Variants in TBC1D22A observed in about 807,000 individuals in gnomAD.
TBC1D22A encodes putative GTPase activator.
Under a neutral mutation model 60.2 loss-of-function variants are expected in TBC1D22A, and 38 were observed. That is an observed-to-expected ratio of 0.63 (90% CI 0.49 to 0.83). The LOEUF (loss-of-function observed/expected upper bound fraction) is 0.83. Among genes scored for constraint, TBC1D22A ranks in the 40% least tolerant of loss-of-function variants. The pLI is 0.00. For missense variants in TBC1D22A, 628 were observed against 701.0 expected (o/e 0.90, Z 1.18); for synonymous variants, 302 against 281.7 (o/e 1.07, Z -0.72).
At chr22:47,099,115 A>G (rs1484494035) in intron 11 of TBC1D22A, among the ~76,000 whole-genome samples, 1 of 152,226 alleles carries the variant, frequency 6.6e-6, no homozygotes, top group Non-Finnish European at 1.5e-5. Flanking sequence ...ACCCTCAGAA[A>G]GCCAGGAGTC....
At chr22:47,107,837 A>G (rs2065693117) in intron 11 of TBC1D22A, among the ~76,000 whole-genome samples, 1 of 152,272 alleles carries the variant, frequency 6.6e-6, no homozygotes, top group African/African-American at 2.4e-5. Flanking sequence ...ATCCATGTGC[A>G]TACAAATGAA....
chr22:46,774,795 G>C (rs550624181), intron 1 of TBC1D22A, among the ~76,000 whole-genome samples: 1 of 152,312 alleles, frequency 6.6e-6, no homozygotes, highest in South Asian at 2.1e-4. Flanking sequence ...GGTCCCTCCT[G>C]GGTGTTCTTG....
chr22:47,138,432 A>G (rs986080101), intron 12 of TBC1D22A, among the ~76,000 whole-genome samples: 2 of 151,942 alleles, frequency 1.3e-5, no homozygotes, highest in Non-Finnish European at 2.9e-5. Context: ...AGGGCCGTGG[A>G]CAGTGATGAC....
At chr22:46,814,004 G>A (rs1010904260) in intron 4 of TBC1D22A, among the ~76,000 whole-genome samples, 29 of 152,382 alleles carry the variant, frequency 1.9e-4, no homozygotes, top group African/African-American at 6.3e-4. Flanking sequence ...CCAGAAAGCT[G>A]TTGCTGGTTT....
At chr22:47,111,725 C>A in intron 12 of TBC1D22A, 122 bp downstream of exon 12, 1 of 835,318 alleles carries the variant, frequency 1.2e-6, no homozygotes, top group Non-Finnish European at 1.8e-6. Flanking sequence ...TGCATTTCGC[C>A]GCTGACCTCC....
intron 1 of TBC1D22A, among the ~76,000 whole-genome samples, chr22:46,770,975 G>C (rs940476306): frequency 1.3e-5 from 2 of 152,176 alleles, no homozygotes; most frequent in African/African-American, 4.8e-5. Context: ...TGGTGGGTGA[G>C]ATTTTGCTGT....
Position 46,917,372 on chromosome 22 carries a change from C to T in TBC1D22A, c.1015+5184C>T, listed in dbSNP as rs146527858. Among the ~76,000 whole-genome samples, 42 of 152,196 alleles carry T rather than the reference C, an allele frequency of 2.8e-4. 1 individual carries two copies. Among genetic ancestry groups the T allele is most frequent in the East Asian group, 1.9e-3 (10 of 5,178 alleles). Reference sequence around the variant, plus strand: ...CCGGTGGAGGCAGGAGACTCGCTGACGGAGGACTGGGCCTGAGAGGAGGGC... The same window carrying T: ...CCGGTGGAGGCAGGAGACTCGCTGATGGAGGACTGGGCCTGAGAGGAGGGC... On this transcript the variant is annotated intron_variant, in intron 8 of 12. Transcript: ENST00000337137.
chr22:46,770,021 A>G (rs1388012389), intron 1 of TBC1D22A, among the ~76,000 whole-genome samples: 1 of 152,062 alleles, frequency 6.6e-6, no homozygotes, highest in Non-Finnish European at 1.5e-5. Flanking sequence ...ACCCCTGTGA[A>G]TATGTTCTGT....
At chr22:46,871,977 G>T (rs1328111211) in intron 4 of TBC1D22A, among the ~76,000 whole-genome samples, 2 of 152,064 alleles carry the variant, frequency 1.3e-5, no homozygotes, top group African/African-American at 4.8e-5. Flanking sequence ...TGAAAGAGGA[G>T]ACATCACTAC....
At chr22:46,843,348 T>A (rs1573728) in intron 4 of TBC1D22A, among the ~76,000 whole-genome samples, 37,749 of 151,972 alleles carry the variant, frequency 0.25, 4,882 homozygotes, top group East Asian at 0.3. Flanking sequence ...CCTGCAGAGA[T>A]AAAACAGCCA....
Position 46,778,425 on chromosome 22 carries a change from G to A in TBC1D22A, c.63-14095G>A, listed in dbSNP as rs189552767. 2.5e-3 allele frequency among the ~76,000 whole-genome samples: 383 copies of A among 152,020 alleles called. 4 individuals are homozygous for A. The highest frequency in any genetic ancestry group is 4.3e-4 in the Non-Finnish European group (29 of 67,994). ...GATATTTTTCTTTATATCCTGACTC[G>A]GTAAGCTTTTTTCTCTTTTTAAAAT... On this transcript the variant is annotated intron_variant, in intron 1 of 12. Coordinates refer to ENST00000337137, the MANE Select transcript of TBC1D22A (RefSeq NM_014346.5).
Position 47,078,210 on chromosome 22 carries a change from G to A in TBC1D22A, c.1330-33298G>A, listed in dbSNP as rs192255115. Among the ~76,000 whole-genome samples the A allele has an allele frequency of 4.2e-4, 64 of 152,308 alleles. 1 individual carries two copies. The highest frequency in any genetic ancestry group is 5.3e-4 in the African/African-American group (22 of 41,574). ...CTTGGTAAAAGTATGTGGCAGTGCC[G>A]TGGAGAGAAACAGGGAGAAGCCTGC... On this transcript the variant is annotated intron_variant, in intron 11 of 12. Transcript: ENST00000337137.
intron 8 of TBC1D22A, among the ~76,000 whole-genome samples, chr22:46,926,110 G>A (rs2071034118): frequency 6.6e-6 from 1 of 152,228 alleles, no homozygotes; most frequent in African/African-American, 2.4e-5. Flanking sequence ...AGAAATTGCT[G>A]TGAGATGAAG....
At chr22:46,841,111 G>A (rs1441112776) in intron 4 of TBC1D22A, among the ~76,000 whole-genome samples, 3 of 151,090 alleles carry the variant, frequency 2.0e-5, no homozygotes, top group African/African-American at 7.3e-5. Flanking sequence ...AGAGAAAATG[G>A]GATTGCCATG....
intron 11 of TBC1D22A, among the ~76,000 whole-genome samples, chr22:47,045,049 G>A (rs558556525): frequency 6.6e-6 from 1 of 152,210 alleles, no homozygotes; most frequent in African/African-American, 2.4e-5. Flanking sequence ...AGCCTCCATG[G>A]CCCTTCACAT....
chr22:46,905,491 G>A (rs2069396733), intron 7 of TBC1D22A, among the ~76,000 whole-genome samples: 1 of 152,240 alleles, frequency 6.6e-6, no homozygotes, highest in South Asian at 2.1e-4. Context: ...GGTGTCCTGA[G>A]TAGCCATCCC....
intron 12 of TBC1D22A, among the ~76,000 whole-genome samples, chr22:47,140,353 C>T (rs1032794757): frequency 4.6e-5 from 7 of 151,712 alleles, no homozygotes; most frequent in East Asian, 3.9e-4. Flanking sequence ...GGGCGGATCA[C>T]GAGGTCAGGA....
At chr22:46,999,887 T>G (rs1191527962) in intron 10 of TBC1D22A, among the ~76,000 whole-genome samples, 1 of 151,746 alleles carries the variant, frequency 6.6e-6, no homozygotes, top group Non-Finnish European at 1.5e-5. Context: ...TAGCCGGGCG[T>G]GGTGGCAGGC....
At position 47,153,853 on chromosome 22, in the gene TBC1D22A, G is replaced by C. The variant is rs1344050811; in HGVS notation, c.1426-19645G>C. ...CAAGGTAAAGACCCACAAGGGCAAA[G>C]GCAGCTTGACAGGGGTGACGATGAG... On this transcript the variant is annotated intron_variant, in intron 12 of 12. Transcript: ENST00000337137. 2.6e-5 allele frequency among the ~76,000 whole-genome samples: 4 copies of C among 152,216 alleles called. No homozygotes were observed. The East Asian group carries it at 7.7e-4, about 29-fold the overall frequency.
Sources: gnomAD v4.1 joint callset for allele counts (sites outside exome capture counted in the v4.1 genomes callset) on GRCh38, gnomAD v4.1.1 for gene constraint, MANE v1.5 for transcripts, NCBI Gene and HGNC (gene_info 2026-07-23, HGNC 2026-07-21) for gene names.